Variants in KLHL1 observed in about 807,000 individuals in gnomAD.
KLHL1 encodes kelch like family member 1.
Under a neutral mutation model 77.7 loss-of-function variants are expected in KLHL1, and 47 were observed. The ratio of observed to expected loss-of-function variants is 0.60; its 90% CI spans 0.48 to 0.77. The LOEUF is 0.77. Ranked by LOEUF, KLHL1 falls within the 30% of genes least tolerant of loss-of-function variation. KLHL1 has a pLI of 0.00. For missense variants in KLHL1, 925 were observed against 910.8 expected (o/e 1.02, Z -0.20); for synonymous variants, 360 against 325.2 (o/e 1.11, Z -1.15).
chr13:69,810,443 G>C (rs9529644), intron 6 of KLHL1, among the ~76,000 whole-genome samples: 1 of 152,084 alleles, frequency 6.6e-6, no homozygotes, highest in East Asian at 1.9e-4. Context: ...ATGACTTTTG[G>C]TTAAAAAACA....
At chr13:69,808,976 G>A (rs1423653928) in intron 6 of KLHL1, among the ~76,000 whole-genome samples, 2 of 151,744 alleles carry the variant, frequency 1.3e-5, no homozygotes, top group Non-Finnish European at 2.9e-5. Flanking sequence ...AGAGATCAAA[G>A]ACTAATCCTT....
At chr13:70,047,506 T>C (rs994421025) in intron 1 of KLHL1, among the ~76,000 whole-genome samples, 1 of 152,076 alleles carries the variant, frequency 6.6e-6, no homozygotes, top group African/African-American at 2.4e-5. Context: ...AGAGACACAT[T>C]ACTTACCCCA....
intron 7 of KLHL1, among the ~76,000 whole-genome samples, chr13:69,752,833 G>C (rs1874545978): frequency 6.6e-6 from 1 of 152,142 alleles, no homozygotes; most frequent in South Asian, 2.1e-4. Flanking sequence ...TTTATAACTG[G>C]CTGTTGTAGC....
intron 5 of KLHL1, among the ~76,000 whole-genome samples, chr13:69,868,170 T>C (rs577032961): frequency 1.3e-5 from 2 of 152,176 alleles, no homozygotes; most frequent in Non-Finnish European, 2.9e-5. Flanking sequence ...ATGTGTTAAA[T>C]AGATATCCAA....
chr13:69,943,866 T>C (rs915532349), intron 3 of KLHL1, among the ~76,000 whole-genome samples: 4 of 152,222 alleles, frequency 2.6e-5, no homozygotes, highest in African/African-American at 9.6e-5. Context: ...AGCATAGATC[T>C]TGAGAGAAAA....
At chr13:69,896,397 T>C (rs1471100227) in intron 4 of KLHL1, among the ~76,000 whole-genome samples, 1 of 152,162 alleles carries the variant, frequency 6.6e-6, no homozygotes, top group African/African-American at 2.4e-5. Context: ...ACCTACACAG[T>C]AATAGCTAGA....
chr13:69,848,183 C>A (rs1879545003), intron 5 of KLHL1, among the ~76,000 whole-genome samples: 1 of 151,478 alleles, frequency 6.6e-6, no homozygotes, highest in African/African-American at 2.4e-5. Flanking sequence ...CCCTTCCCCA[C>A]CTTTCAGACT....
intron 7 of KLHL1, among the ~76,000 whole-genome samples, chr13:69,751,818 T>A (rs1172777518): frequency 2.0e-5 from 3 of 152,072 alleles, no homozygotes; most frequent in African/African-American, 7.2e-5. Flanking sequence ...CCATGCCAAA[T>A]AATGTACGTG....
chr13:69,773,952 C>T (rs1357935177), intron 7 of KLHL1, among the ~76,000 whole-genome samples: 1 of 151,506 alleles, frequency 6.6e-6, no homozygotes, highest in Non-Finnish European at 1.5e-5. Flanking sequence ...CTTAAATTAT[C>T]TGTAAGTACC....
At chr13:69,756,722 C>G (rs535528235) in intron 7 of KLHL1, among the ~76,000 whole-genome samples, 14 of 152,252 alleles carry the variant, frequency 9.2e-5, no homozygotes, top group South Asian at 6.2e-4. Flanking sequence ...CATGATGTGG[C>G]CTCTGTGGTG....
At chr13:69,979,557 C>T (rs1157078572) in intron 1 of KLHL1, among the ~76,000 whole-genome samples, 2 of 152,006 alleles carry the variant, frequency 1.3e-5, no homozygotes, top group Admixed American at 6.6e-5. Flanking sequence ...ATCATGTTTT[C>T]TATAGGTATT....
chr13:70,015,673 G>A (rs576549787), intron 1 of KLHL1, among the ~76,000 whole-genome samples: 3 of 152,212 alleles, frequency 2.0e-5, no homozygotes, highest in African/African-American at 7.2e-5. Flanking sequence ...CCAACTGTAG[G>A]GTGATGTAAT....
At chr13:69,883,465 G>A (rs1881076707) in intron 4 of KLHL1, among the ~76,000 whole-genome samples, 2 of 152,246 alleles carry the variant, frequency 1.3e-5, no homozygotes, top group East Asian at 1.9e-4. Flanking sequence ...AGTTTCTACT[G>A]AGTCTCATTT....
At chr13:69,925,397 C>A (rs1348427450) in intron 4 of KLHL1, among the ~76,000 whole-genome samples, 1 of 152,074 alleles carries the variant, frequency 6.6e-6, no homozygotes, top group Non-Finnish European at 1.5e-5. Flanking sequence ...TAATCCACTA[C>A]TATAATTATT....
At chr13:69,977,318 G>A (rs1014943968) in intron 1 of KLHL1, among the ~76,000 whole-genome samples, 1 of 151,800 alleles carries the variant, frequency 6.6e-6, no homozygotes, top group African/African-American at 2.4e-5. Flanking sequence ...TAGATAATAA[G>A]CTGGATAATT....
At chr13:69,948,822 A>G (rs933915400) in intron 3 of KLHL1, among the ~76,000 whole-genome samples, 1 of 151,942 alleles carries the variant, frequency 6.6e-6, no homozygotes, top group African/African-American at 2.4e-5. Context: ...GTATATTTCC[A>G]AAGGTATTGT....
chr13:70,013,690 A>C (rs1255589984), intron 1 of KLHL1, among the ~76,000 whole-genome samples: 1 of 152,202 alleles, frequency 6.6e-6, no homozygotes, highest in Non-Finnish European at 1.5e-5. Context: ...AAATACTATA[A>C]AATATTTGAG....
chr13:70,010,901 AT>A (rs201318069), intron 1 of KLHL1, among the ~76,000 whole-genome samples: 5 of 118,796 alleles, frequency 4.2e-5, no homozygotes, highest in African/African-American at 9.6e-5. Context: ...TCAAAAAAAA[AT>A]AATAATAATA....
chr13:69,869,180 A>C (rs1057060998), intron 5 of KLHL1, among the ~76,000 whole-genome samples: 15 of 152,178 alleles, frequency 9.9e-5, no homozygotes, highest in Admixed American at 4.6e-4. Flanking sequence ...TACCTGAGGA[A>C]GTTAAGTGAC....
Sources: allele counts gnomAD v4.1 joint callset (sites outside exome capture counted in the v4.1 genomes callset), GRCh38; gene constraint gnomAD v4.1.1; transcripts MANE v1.5; gene names NCBI Gene and HGNC (gene_info 2026-07-23, HGNC 2026-07-21).